Variants in CFHR5 observed in about 807,000 individuals in gnomAD.
CFHR5 encodes complement factor H related 5.
Under a neutral mutation model 62.9 loss-of-function variants are expected in CFHR5, and 73 were observed. The ratio of observed to expected loss-of-function variants is 1.16; its 90% CI spans 0.96 to 1.41. The LOEUF (loss-of-function observed/expected upper bound fraction) is 1.41. Ranked by LOEUF, CFHR5 falls within the 40% of genes most tolerant of loss-of-function variation. The probability of loss-of-function intolerance (pLI) is 0.00; values close to 1 mark genes in which losing one functional copy is unlikely to be tolerated. For missense variants in CFHR5, 779 were observed against 679.9 expected, an observed-to-expected ratio of 1.15 and a Z score of -1.62; for synonymous variants, 249 against 227.2, an observed-to-expected ratio of 1.10 and a Z score of -0.86.
upstream of CFHR5, among the ~76,000 whole-genome samples, chr1:196,976,283 C>T (rs1440066674): frequency 2.0e-5 from 3 of 152,136 alleles, no homozygotes; most frequent in Non-Finnish European, 4.4e-5. Context: ...CTGTAAATTT[C>T]CCCATTAAAT....
At chr1:196,979,979 C>A (rs147556772) in intron 1 of CFHR5, among the ~76,000 whole-genome samples, 2,037 of 151,980 alleles carry the variant, frequency 0.013, 37 homozygotes, top group African/African-American at 0.044. Flanking sequence ...TTTTTTCTTT[C>A]TATCCTTATT....
rs1367839911 is a variant in CFHR5 at position 196,977,675 on chromosome 1, T to A, written c.11T>A (p.Leu4Ter). The change falls in exon 1 of 10, where the codon TTA (leucine) becomes TAA (stop). Residue 4 changes from leucine (L) to a stop codon, truncating the protein, a stop_gained. Transcript: ENST00000256785. LOFTEE classifies it high-confidence loss of function. MLL[L>*]FSVILISWVS... is the part of the protein sequence containing the mutation. ...TTGAGACTACCAAGCATGTTGCTCT[T>A]ATTCAGTGTAATCCTAATCTCATGG... 2.5e-6 allele frequency: 4 copies of A among 1,612,670 alleles called. No homozygotes were observed. In the African/African-American group the frequency reaches 5.3e-5, roughly 22 times the overall value.
intron 7 of CFHR5, among the ~76,000 whole-genome samples, chr1:196,999,722 T>TATATATATATAC (rs1164729053): frequency 7.7e-5 from 9 of 116,150 alleles, no homozygotes; most frequent in African/African-American, 3.1e-4. Context: ...TATATATATA[T>TATATATATATAC]ACACACACAC....
intron 4 of CFHR5, 79 bp downstream of exon 4, chr1:196,994,335 A>G (rs1653933630): frequency 1.7e-6 from 2 of 1,147,896 alleles, no homozygotes; most frequent in Non-Finnish European, 2.6e-6. Context: ...TGGAGCTTAT[A>G]TTACATCTAT....
rs904405911 is a variant in CFHR5 at position 197,004,911 on chromosome 1, T to G, written c.1513+68T>G. 6.7e-6 allele frequency: 8 copies of G among 1,186,292 alleles called. No homozygotes were observed. In the African/African-American group the frequency reaches 1.2e-4, roughly 18 times the overall value. The allele number at this position is 1,186,292 out of a possible 1,614,324, so 73.5% of individuals were successfully genotyped here. The stretch of plus-strand genomic sequence containing the variant: ...ATAGTGTAATTTTTTTGGACTAATT[T>G]CATAGAATAACCCTTACTTAAGTTT... On this transcript the variant is annotated intron_variant, in intron 9 of 9. Coordinates refer to ENST00000256785, the MANE Select transcript of CFHR5 (RefSeq NM_030787.4).
chr1:196,987,008 C>A (rs527993974), intron 3 of CFHR5, among the ~76,000 whole-genome samples: 1 of 152,298 alleles, frequency 6.6e-6, no homozygotes, highest in East Asian at 1.9e-4. Flanking sequence ...GTTCCTATTT[C>A]TCCACATCCT....
Position 197,008,616 on chromosome 1 carries a change from T to G in CFHR5, c.1643T>G (p.Met548Arg). The G allele has an allele frequency of 6.2e-7, 1 of 1,613,914 alleles. No homozygotes were observed. The highest frequency in any genetic ancestry group is 8.5e-7 in the Non-Finnish European group (1 of 1,179,876). ...EFQCKFPHKA[M>R]ISSPPFRAIC... Reference sequence around the variant, plus strand: ...CAGTGTAAATTCCCACATAAAGCGATGATATCATCACCACCATTTCGAGCA... The same window carrying G: ...CAGTGTAAATTCCCACATAAAGCGAGGATATCATCACCACCATTTCGAGCA... The change falls in exon 10 of 10, where the codon ATG (methionine) becomes AGG (arginine). Residue 548 changes from methionine to arginine, a missense_variant. Transcript: ENST00000256785.
chr1:196,984,003 C>A lies in CFHR5; in HGVS notation c.296C>A (p.Ser99Tyr). Residue 99 changes from serine to tyrosine, a missense_variant, in exon 3 of 10, where the codon TCT (serine) becomes TAT (tyrosine). By Grantham distance (144) the Ser-to-Tyr change is moderately radical. Coordinates refer to ENST00000256785, the MANE Select transcript of CFHR5 (RefSeq NM_030787.4). ...TTTGTGAAAAATGGTCATTCTGAAT[C>A]TTCAGGACTAATACATCTGGAAGGT... ...FPFVKNGHSE[S>Y]SGLIHLEGDT... 6.2e-7 allele frequency: 1 copy of A among 1,612,378 alleles called. No homozygotes were observed. The highest frequency in any genetic ancestry group is 8.5e-7 in the Non-Finnish European group (1 of 1,178,910).
chr1:196,982,403 G>T (rs1205682236), intron 1 of CFHR5, among the ~76,000 whole-genome samples: 2 of 152,176 alleles, frequency 1.3e-5, no homozygotes, highest in African/African-American at 4.8e-5. Flanking sequence ...CCGGCATGGT[G>T]GTTCATGCCT....
chr1:197,006,704 C>T (rs1654297935), intron 9 of CFHR5, among the ~76,000 whole-genome samples: 1 of 93,526 alleles, frequency 1.1e-5, no homozygotes, highest in Non-Finnish European at 2.7e-5. Flanking sequence ...AAGAGTGAAA[C>T]TCCGTCAAAA....
intron 1 of CFHR5, among the ~76,000 whole-genome samples, chr1:196,981,346 C>G (rs924357781): frequency 2.6e-5 from 4 of 151,796 alleles, no homozygotes; most frequent in African/African-American, 4.8e-5. Flanking sequence ...CTAATGTAAA[C>G]TATGGGCTTT....
At chr1:196,990,595 G>T (rs1653817663) in intron 3 of CFHR5, among the ~76,000 whole-genome samples, 1 of 152,216 alleles carries the variant, frequency 6.6e-6, no homozygotes, top group Middle Eastern at 3.4e-3. Flanking sequence ...GCATTTGCTT[G>T]TCTGTAAAGG....
intron 1 of CFHR5, among the ~76,000 whole-genome samples, chr1:196,982,125 GA>G (rs1044448204): frequency 6.7e-5 from 10 of 148,228 alleles, no homozygotes; most frequent in East Asian, 4.0e-4. Flanking sequence ...TACTGCACCA[GA>G]AAAAAAAATA....
intron 7 of CFHR5, among the ~76,000 whole-genome samples, 179 bp from the exon 8 acceptor site, chr1:197,002,303 G>A (rs1459045853): frequency 1.3e-5 from 2 of 151,992 alleles, no homozygotes; most frequent in Admixed American, 6.6e-5. Context: ...GTAAACTATA[G>A]TGACACAAAA....
intron 7 of CFHR5, 64 bp from the exon 8 acceptor site, chr1:197,002,418 A>G: frequency 8.2e-7 from 1 of 1,212,828 alleles, no homozygotes. Context: ...CTGAAACACT[A>G]CCCTATTGAG....
At chr1:196,992,631 A>G (rs141540695) in intron 3 of CFHR5, among the ~76,000 whole-genome samples, 2,056 of 152,302 alleles carry the variant, frequency 0.013, 44 homozygotes, top group African/African-American at 0.045. Context: ...GCTGCAGACC[A>G]GAGCTGTTCC....
chr1:196,979,667 A>G (rs1571509745), intron 1 of CFHR5, among the ~76,000 whole-genome samples: 1 of 152,250 alleles, frequency 6.6e-6, no homozygotes, highest in East Asian at 1.9e-4. Context: ...GGCTTAGCAC[A>G]TTACCATACA....
intron 6 of CFHR5, among the ~76,000 whole-genome samples, chr1:196,997,354 T>C (rs1654020248): frequency 6.6e-6 from 1 of 152,146 alleles, no homozygotes. Context: ...TACATAAATA[T>C]CAACCTCTAG....
chr1:197,001,703 T>TC (rs1049986235), intron 7 of CFHR5, among the ~76,000 whole-genome samples: 4 of 36,720 alleles, frequency 1.1e-4, no homozygotes, highest in African/African-American at 4.1e-4. Flanking sequence ...CCCTCCCCCC[T>TC]CCCCCCACCC....
Sources: allele counts gnomAD v4.1 joint callset (sites outside exome capture counted in the v4.1 genomes callset), GRCh38; gene constraint gnomAD v4.1.1; transcripts MANE v1.5; gene names NCBI Gene and HGNC (gene_info 2026-07-23, HGNC 2026-07-21).